The following LEF1 variants were observed in gnomAD, a reference collection of about 807,000 sequenced individuals.
LEF1 encodes the protein lymphoid enhancer-binding factor 1.
Under a neutral mutation model 51.2 loss-of-function variants are expected in LEF1, and 14 were observed. The ratio of observed to expected loss-of-function variants is 0.27; its 90% CI spans 0.18 to 0.43. The LOEUF (loss-of-function observed/expected upper bound fraction) is 0.43. Ranked by LOEUF, LEF1 falls within the 20% of genes least tolerant of loss-of-function variation. The pLI, the probability that LEF1 is intolerant of heterozygous loss-of-function variation, is 1.00. For missense variants in LEF1, 386 were observed against 512.0 expected (o/e 0.75, Z 2.37); for synonymous variants, 185 against 183.2 (o/e 1.01, Z -0.08).
At chr4:108,067,532 CTT>C (rs777318718) in intron 9 of LEF1, among the ~76,000 whole-genome samples, 53 of 139,058 alleles carry the variant, frequency 3.8e-4, no homozygotes, top group Non-Finnish European at 3.6e-4. Flanking sequence ...TTAGAAGATC[CTT>C]TTTTTTTTTT....
At chr4:108,122,726 T>C (rs2110336262) in intron 3 of LEF1, among the ~76,000 whole-genome samples, 1 of 152,262 alleles carries the variant, frequency 6.6e-6, no homozygotes, top group East Asian at 1.9e-4. Flanking sequence ...ACTCAAGCAA[T>C]CCTCCGACCT....
chr4:108,067,219 G>A (rs569879757), intron 9 of LEF1, among the ~76,000 whole-genome samples: 2 of 152,206 alleles, frequency 1.3e-5, no homozygotes, highest in Non-Finnish European at 1.5e-5. Context: ...TAAAAGTTGT[G>A]CAGAGGGAAA....
chr4:108,103,529 GA>G (rs1740956664), intron 3 of LEF1, among the ~76,000 whole-genome samples: 1 of 152,174 alleles, frequency 6.6e-6, no homozygotes, highest in Non-Finnish European at 1.5e-5. Flanking sequence ...AAATGCTCAA[GA>G]TATCTTCTCT....
At chr4:108,160,581 T>G (rs1317559614) in intron 3 of LEF1, among the ~76,000 whole-genome samples, 1 of 152,134 alleles carries the variant, frequency 6.6e-6, no homozygotes, top group Non-Finnish European at 1.5e-5. Flanking sequence ...TATAGACACA[T>G]TCACACCCCT....
chr4:108,115,472 A>T (rs1741775030), intron 3 of LEF1, among the ~76,000 whole-genome samples: 1 of 152,240 alleles, frequency 6.6e-6, no homozygotes, highest in South Asian at 2.1e-4. Context: ...AAGTGTGCTA[A>T]TAACCCAAGA....
rs754012563 is a variant in LEF1, at chr4:108,048,702, TG to T, written c.*55del. 1.2e-6 allele frequency: 2 copies of T among 1,610,550 alleles called. No individual in the cohort carries two copies. Among genetic ancestry groups the T allele is most frequent in the Non-Finnish European group, 1.7e-6 (2 of 1,178,050 alleles). On this transcript the variant is annotated 3_prime_UTR_variant, in exon 12 of 12. Coordinates refer to ENST00000265165, the MANE Select transcript of LEF1 (RefSeq NM_016269.5). Reference sequence around the variant, plus strand: ...AAGCTTCCATCTCCAGAAGAGGTCCTGGGGTCGCTGCCTTGGCTTTGCACGT... The same window carrying T: ...AAGCTTCCATCTCCAGAAGAGGTCCTGGGTCGCTGCCTTGGCTTTGCACGT...
chr4:108,052,956 T>C (rs191771983), intron 11 of LEF1, among the ~76,000 whole-genome samples: 6 of 152,326 alleles, frequency 3.9e-5, no homozygotes, highest in Admixed American at 3.9e-4. Flanking sequence ...TACCTGAAGT[T>C]CAGTAACTTG....
intron 3 of LEF1, among the ~76,000 whole-genome samples, chr4:108,126,123 G>A (rs1420121779): frequency 6.6e-6 from 1 of 152,050 alleles, no homozygotes; most frequent in Admixed American, 6.6e-5. Flanking sequence ...TTTCCACTAA[G>A]GACTTAAAGC....
chr4:108,121,118 AG>A (rs1296951745), intron 3 of LEF1, among the ~76,000 whole-genome samples: 2 of 152,244 alleles, frequency 1.3e-5, no homozygotes, highest in East Asian at 3.8e-4. Flanking sequence ...CATGTGCTTA[AG>A]GGCCTAGGTT....
chr4:108,117,066 C>G (rs753336102), intron 3 of LEF1, among the ~76,000 whole-genome samples: 1 of 152,194 alleles, frequency 6.6e-6, no homozygotes, highest in Non-Finnish European at 1.5e-5. Flanking sequence ...GCCTTTTCAT[C>G]TGATAAGCAA....
At chr4:108,150,797 T>C (rs1272955538) in intron 3 of LEF1, among the ~76,000 whole-genome samples, 1 of 152,242 alleles carries the variant, frequency 6.6e-6, no homozygotes, top group Admixed American at 6.5e-5. Context: ...ATTCACTTCA[T>C]ACTGTTTAGT....
At chr4:108,080,605 G>A (rs975823915) in intron 6 of LEF1, among the ~76,000 whole-genome samples, 1 of 152,104 alleles carries the variant, frequency 6.6e-6, no homozygotes, top group Non-Finnish European at 1.5e-5. Flanking sequence ...AATACATGAT[G>A]ATAGTTATTT....
chr4:108,140,894 C>G (rs1053440791), intron 3 of LEF1, among the ~76,000 whole-genome samples: 4 of 152,076 alleles, frequency 2.6e-5, no homozygotes, highest in African/African-American at 9.7e-5. Flanking sequence ...AATCTGAAAA[C>G]AAGGGAAGAT....
chr4:108,161,692 T>C (rs1392900195), intron 3 of LEF1, among the ~76,000 whole-genome samples: 2 of 152,178 alleles, frequency 1.3e-5, no homozygotes, highest in Non-Finnish European at 2.9e-5. Context: ...TGCTTATAAA[T>C]ACCAATAAAT....
chr4:108,084,503 T>G (rs1739515437), intron 4 of LEF1, among the ~76,000 whole-genome samples: 1 of 152,224 alleles, frequency 6.6e-6, no homozygotes, highest in Non-Finnish European at 1.5e-5. Context: ...GCCTAGGAAT[T>G]TCATTTGTAT....
intron 3 of LEF1, among the ~76,000 whole-genome samples, chr4:108,101,135 A>G (rs961646817): frequency 6.6e-6 from 1 of 152,050 alleles, no homozygotes; most frequent in Non-Finnish European, 1.5e-5. Context: ...GAAGATTCAC[A>G]GGTATTTTCT....
intron 3 of LEF1, among the ~76,000 whole-genome samples, chr4:108,124,122 A>G (rs1041389947): frequency 5.9e-5 from 9 of 152,182 alleles, no homozygotes; most frequent in Non-Finnish European, 1.2e-4. Context: ...CCTGTGGAAC[A>G]GAGAGACTCT....
rs151297517 is a variant in LEF1 at position 108,079,593 on chromosome 4, G to A, written c.744C>T (p.Pro248=). The A allele has an allele frequency of 7.4e-5, 119 of 1,613,860 alleles. No homozygotes were observed. The highest frequency in any genetic ancestry group is 9.1e-5 in the Non-Finnish European group (107 of 1,179,930). ...CAGTTGTGTGGGGACCAGGAGGACC[G>A]GGAATCATATGATGGGAAAACCTGA... The part of the protein sequence containing the change: ...SMSRFSHHMI[P]GPPGPHTTGI... Residue 248 remains proline, a synonymous_variant, in exon 7 of 12, where the codon CCC becomes CCT. Transcript: ENST00000265165.
chr4:108,127,090 C>T (rs959531907), intron 3 of LEF1, among the ~76,000 whole-genome samples: 1 of 152,038 alleles, frequency 6.6e-6, no homozygotes, highest in African/African-American at 2.4e-5. Context: ...TCTCAGGAGA[C>T]ATAGGAGCTG....
Sources: gnomAD v4.1 joint callset for allele counts (sites outside exome capture counted in the v4.1 genomes callset) on GRCh38, gnomAD v4.1.1 for gene constraint, MANE v1.5 for transcripts, NCBI Gene and HGNC (gene_info 2026-07-23, HGNC 2026-07-21) for gene names.